The following NALCN variants were observed in gnomAD, a reference collection of about 807,000 sequenced individuals.
NALCN encodes sodium leak channel NALCN.
A neutral mutation model predicts 225.3 loss-of-function variants in NALCN; 111 were observed. That is an observed-to-expected ratio of 0.49 (90% CI 0.42 to 0.58). The LOEUF (loss-of-function observed/expected upper bound fraction) is 0.58. Ranked by LOEUF, NALCN falls within the 20% of genes least tolerant of loss-of-function variation. NALCN has a pLI of 0.00. For missense variants in NALCN, 1,378 were observed against 2,202.4 expected, an observed-to-expected ratio of 0.63 and a Z score of 7.49; for synonymous variants, 764 against 769.0, an observed-to-expected ratio of 0.99 and a Z score of 0.11.
intron 14 of NALCN, among the ~76,000 whole-genome samples, chr13:101,178,588 C>T (rs576771841): frequency 1.3e-5 from 2 of 152,160 alleles, no homozygotes; most frequent in Non-Finnish European, 2.9e-5. Context: ...TCCCCTTCTC[C>T]GTAGAGGGTG....
At chr13:101,308,198 G>T (rs2044216168) in intron 7 of NALCN, among the ~76,000 whole-genome samples, 1 of 152,162 alleles carries the variant, frequency 6.6e-6, no homozygotes, top group Admixed American at 6.5e-5. Context: ...GCCTGTAGTA[G>T]ATATTGCTGC....
At chr13:101,091,852 G>T (rs1251273183) in intron 28 of NALCN, among the ~76,000 whole-genome samples, 1 of 152,102 alleles carries the variant, frequency 6.6e-6, no homozygotes, top group Admixed American at 6.5e-5. Flanking sequence ...TCTTCTAGAA[G>T]TTAGAATATG....
intron 10 of NALCN, among the ~76,000 whole-genome samples, chr13:101,270,358 G>C (rs2042736860): frequency 6.6e-6 from 1 of 152,148 alleles, no homozygotes; most frequent in African/African-American, 2.4e-5. Context: ...CCTACATCTA[G>C]AATCACTTCA....
intron 32 of NALCN, 44 bp from the exon 33 acceptor site, chr13:101,082,927 A>T: frequency 6.2e-7 from 1 of 1,608,788 alleles, no homozygotes; most frequent in Non-Finnish European, 8.5e-7. Flanking sequence ...CGTCCATCGG[A>T]CACATACAGG....
At chr13:101,086,870 G>T (rs1315160796) in intron 30 of NALCN, among the ~76,000 whole-genome samples, 3 of 151,894 alleles carry the variant, frequency 2.0e-5, no homozygotes, top group African/African-American at 7.2e-5. Flanking sequence ...GTTTAAAATT[G>T]TTCTTTTCTG....
At chr13:101,254,665 G>A (rs2042167185) in intron 11 of NALCN, among the ~76,000 whole-genome samples, 2 of 73,004 alleles carry the variant, frequency 2.7e-5, no homozygotes, top group South Asian at 1.0e-3. Context: ...GCCGAGGCGG[G>A]CGGATCACGA....
intron 6 of NALCN, among the ~76,000 whole-genome samples, chr13:101,367,966 CTTTT>C (rs554696233): frequency 0.013 from 1,994 of 148,936 alleles, 40 homozygotes; most frequent in African/African-American, 0.047. Flanking sequence ...ACAGGGAATT[CTTTT>C]TTTGACTTTT....
At chr13:101,057,031 T>TGAA (rs2031350503) in intron 43 of NALCN, 1 of 152,232 alleles carries the variant, frequency 6.6e-6, no homozygotes, top group South Asian at 2.1e-4. Context: ...GTAGTCCCAG[T>TGAA]GAAGACCCAC....
intron 6 of NALCN, among the ~76,000 whole-genome samples, chr13:101,365,424 T>C (rs574451026): frequency 6.6e-6 from 1 of 152,324 alleles, no homozygotes; most frequent in Admixed American, 6.5e-5. Flanking sequence ...AACCTCTTTA[T>C]TTTGTCAACA....
intron 11 of NALCN, among the ~76,000 whole-genome samples, chr13:101,248,345 G>A (rs1333761): frequency 0.53 from 81,248 of 152,000 alleles, 22,129 homozygotes; most frequent in East Asian, 0.58. Context: ...AACTGTTAGT[G>A]TCAACCAAAC....
intron 26 of NALCN, among the ~76,000 whole-genome samples, chr13:101,102,546 C>T (rs1307930720): frequency 6.6e-6 from 1 of 152,124 alleles, no homozygotes; most frequent in African/African-American, 2.4e-5. Flanking sequence ...AACAATGAGC[C>T]TCTTTCTTGT....
chr13:101,414,362 G>T (rs900829143), intron 1 of NALCN, among the ~76,000 whole-genome samples: 2 of 152,120 alleles, frequency 1.3e-5, no homozygotes, highest in African/African-American at 4.8e-5. Context: ...CCAGTGCTTA[G>T]CTTATCTTAG....
At chr13:101,296,129 C>A (rs1308741418) in intron 7 of NALCN, among the ~76,000 whole-genome samples, 2 of 152,110 alleles carry the variant, frequency 1.3e-5, no homozygotes, top group Non-Finnish European at 2.9e-5. Flanking sequence ...TCCCAGAGAG[C>A]CTCCCATTCA....
At chr13:101,395,125 G>A in intron 3 of NALCN, 58 bp downstream of exon 3, 1 of 1,466,118 alleles carries the variant, frequency 6.8e-7, no homozygotes, top group Non-Finnish European at 9.2e-7. Flanking sequence ...TATGATTAAA[G>A]GGATTAAGAC....
Position 101,397,109 on chromosome 13 carries a change from T to TATATATAC in NALCN, c.109-1745_109-1744insGTATATAT, listed in dbSNP as rs1169730118. Among the ~76,000 whole-genome samples, 446 of 80,662 alleles carry TATATATAC rather than the reference T, an allele frequency of 5.5e-3. 4 individuals carry two copies. Among genetic ancestry groups the TATATATAC allele is most frequent in the Non-Finnish European group, 9.0e-3 (358 of 39,802 alleles). 52.9% of individuals were successfully genotyped at this position (80,662 alleles called of 152,430 possible). A position where few individuals can be genotyped will look rare whatever the true frequency, so the allele number is the denominator to read the frequency against. ...ATATATATATATATATATATATATATACATACACATACATATATATAATGT... is the reference window on the plus strand; with the variant it reads ...ATATATATATATATATATATATATATATATATACACATACACATACATATATATAATGT... On this transcript the variant is annotated intron_variant, in intron 2 of 43. Coordinates refer to ENST00000251127, the MANE Select transcript of NALCN (RefSeq NM_052867.4).
intron 43 of NALCN, among the ~76,000 whole-genome samples, chr13:101,056,789 T>C (rs1388291020): frequency 2.6e-5 from 4 of 152,114 alleles, no homozygotes; most frequent in Non-Finnish European, 5.9e-5. Context: ...CAAGTCAACT[T>C]CCTAAAGCAC....
intron 18 of NALCN, among the ~76,000 whole-genome samples, chr13:101,121,006 G>T (rs1032427915): frequency 1.9e-4 from 29 of 152,134 alleles, no homozygotes; most frequent in Non-Finnish European, 1.0e-4. Flanking sequence ...GAGACATTAT[G>T]AAAACAAAGT....
intron 7 of NALCN, among the ~76,000 whole-genome samples, chr13:101,307,071 G>A (rs1007389616): frequency 6.6e-6 from 1 of 152,118 alleles, no homozygotes; most frequent in African/African-American, 2.4e-5. Context: ...TCTTGTTTGG[G>A]GCCATTATTG....
chr13:101,332,420 A>AAG, intron 7 of NALCN, among the ~76,000 whole-genome samples: 1 of 149,114 alleles, frequency 6.7e-6, no homozygotes, highest in African/African-American at 2.4e-5. Context: ...AAAAAAAAAA[A>AAG]GGAAAGCCTT....
Sources: allele counts gnomAD v4.1 joint callset (sites outside exome capture counted in the v4.1 genomes callset), GRCh38; gene constraint gnomAD v4.1.1; transcripts MANE v1.5; gene names NCBI Gene and HGNC (gene_info 2026-07-23, HGNC 2026-07-21).